RFX3: variants seen among roughly 807,000 people sequenced by gnomAD.
The protein encoded by RFX3 is transcription factor RFX3.
RFX3 carries 14 observed loss-of-function variants against 98.6 expected under a neutral mutation model. The observed-to-expected ratio is 0.14, with a 90% CI of 0.09 to 0.22. RFX3 has a LOEUF of 0.22. Ranked by LOEUF, RFX3 falls within the 10% of genes least tolerant of loss-of-function variation. The pLI is 1.00. For missense variants in RFX3, 639 were observed against 926.9 expected (o/e 0.69, Z 4.03); for synonymous variants, 383 against 328.4 (o/e 1.17, Z -1.80).
At position 3,525,605 on chromosome 9, in the gene RFX3, G is replaced by A. The variant is rs560097092; in HGVS notation, c.-9+142C>T. ...AACAGAGCCCCTCGGCGGCGGCGCC[G>A]CAGCGGCAGCCCCCGTGTCAGGAGT... On this transcript the variant is annotated intron_variant, in intron 1 of 16. Transcript: ENST00000617270. 332 of 153,280 alleles carry A rather than the reference G, an allele frequency of 2.2e-3. 1 individual carries two copies. The highest frequency in any genetic ancestry group is 0.016 in the South Asian group (79 of 4,848). The allele number at this position is 153,280 out of a possible 1,614,324, so 9.5% of individuals were successfully genotyped here.
intron 4 of RFX3, among the ~76,000 whole-genome samples, chr9:3,319,167 A>G (rs1830973823): frequency 6.6e-6 from 1 of 152,226 alleles, no homozygotes; most frequent in African/African-American, 2.4e-5. Flanking sequence ...AATCACTAAA[A>G]CAGGCTTTTA....
intron 2 of RFX3, among the ~76,000 whole-genome samples, chr9:3,370,296 A>G (rs1475263398): frequency 6.6e-6 from 1 of 151,812 alleles, no homozygotes; most frequent in Non-Finnish European, 1.5e-5. Flanking sequence ...AGAAAACTGA[A>G]CAAAATACTT....
At chr9:3,504,956 A>AATATATC (rs1564186013) in intron 1 of RFX3, among the ~76,000 whole-genome samples, 26 of 61,700 alleles carry the variant, frequency 4.2e-4, no homozygotes, top group African/African-American at 2.1e-3. Context: ...TATAATATAT[A>AATATATC]TTATATATAA....
chr9:3,477,522 T>C (rs10114838), intron 1 of RFX3, among the ~76,000 whole-genome samples: 18,873 of 152,174 alleles, frequency 0.12, 2,139 homozygotes, highest in East Asian at 0.57. Flanking sequence ...CCAGGGTTTC[T>C]CGTAAGTCAG....
intron 2 of RFX3, among the ~76,000 whole-genome samples, chr9:3,371,012 T>C (rs950360909): frequency 1.6e-4 from 24 of 152,122 alleles, no homozygotes; most frequent in Non-Finnish European, 7.4e-5. Context: ...AGATGAATCC[T>C]TTTTTAAAAA....
intron 2 of RFX3, among the ~76,000 whole-genome samples, chr9:3,362,211 A>C (rs76692203): frequency 2.6e-5 from 4 of 152,212 alleles, no homozygotes; most frequent in African/African-American, 9.7e-5. Flanking sequence ...ACTTCCTTGC[A>C]TATTCAATGT....
At chr9:3,490,674 A>G (rs1415326743) in intron 1 of RFX3, among the ~76,000 whole-genome samples, 2 of 152,152 alleles carry the variant, frequency 1.3e-5, no homozygotes, top group Admixed American at 1.3e-4. Flanking sequence ...CTTTAAAAGA[A>G]TATGTGCTTT....
At chr9:3,338,364 T>C (rs1313785083) in intron 3 of RFX3, among the ~76,000 whole-genome samples, 1 of 152,220 alleles carries the variant, frequency 6.6e-6, no homozygotes, top group African/African-American at 2.4e-5. Context: ...ATGTTAAAAG[T>C]CAGTAATACT....
intron 1 of RFX3, among the ~76,000 whole-genome samples, chr9:3,504,073 C>A (rs947056668): frequency 6.8e-6 from 1 of 147,554 alleles, no homozygotes; most frequent in South Asian, 2.1e-4. Flanking sequence ...TCAATCGGCT[C>A]GATTCCTTAG....
intron 2 of RFX3, among the ~76,000 whole-genome samples, chr9:3,387,458 C>G (rs1399977346): frequency 6.6e-6 from 1 of 152,012 alleles, no homozygotes; most frequent in Non-Finnish European, 1.5e-5. Flanking sequence ...TTTAACTATT[C>G]AGTAGAGATG....
chr9:3,415,310 G>C (rs1007895403), intron 1 of RFX3, among the ~76,000 whole-genome samples: 1 of 150,612 alleles, frequency 6.6e-6, no homozygotes, highest in African/African-American at 2.4e-5. Context: ...TAACTCTTGG[G>C]CTCAAGCAAT....
chr9:3,375,199 T>C (rs1838322156), intron 2 of RFX3, among the ~76,000 whole-genome samples: 1 of 152,234 alleles, frequency 6.6e-6, no homozygotes, highest in African/African-American at 2.4e-5. Context: ...TACTGATCTC[T>C]TTCCAAAGCT....
At chr9:3,423,393 G>A (rs371919256) in intron 1 of RFX3, among the ~76,000 whole-genome samples, 1 of 152,108 alleles carries the variant, frequency 6.6e-6, no homozygotes, top group Non-Finnish European at 1.5e-5. Context: ...TATACATCAA[G>A]AGGTGAATGG....
rs946897658 is a variant in RFX3, at chr9:3,382,375, G to C, written c.117+13097C>G. ...ATAATTAATATGTCAACTATAATAT[G>C]AATTTGGGTGAGTTTAACTTTTTTA... On this transcript the variant is annotated intron_variant, in intron 2 of 16. Transcript: ENST00000617270. Among the ~76,000 whole-genome samples, 10 of 152,200 alleles carry C rather than the reference G, an allele frequency of 6.6e-5. No homozygotes were observed. In the East Asian group the frequency reaches 1.9e-3, roughly 29 times the overall value.
At chr9:3,330,111 A>T in intron 4 of RFX3, 148 bp downstream of exon 4, 1 of 767,050 alleles carries the variant, frequency 1.3e-6, no homozygotes, top group East Asian at 2.7e-5. Flanking sequence ...TACTACATAT[A>T]CTACATTCTG....
intron 1 of RFX3, among the ~76,000 whole-genome samples, chr9:3,499,853 G>T (rs1815786661): frequency 6.6e-6 from 1 of 151,982 alleles, no homozygotes. Context: ...TGCAACTTTG[G>T]AAAGTTAATT....
chr9:3,332,418 A>T (rs1299478673), intron 3 of RFX3, among the ~76,000 whole-genome samples: 1 of 152,158 alleles, frequency 6.6e-6, no homozygotes, highest in Non-Finnish European at 1.5e-5. Context: ...GAAAGCAAAG[A>T]TGTCACTATC....
intron 1 of RFX3, among the ~76,000 whole-genome samples, chr9:3,459,745 C>G (rs1220020191): frequency 6.6e-6 from 1 of 152,058 alleles, no homozygotes; most frequent in Admixed American, 6.6e-5. Context: ...TGAATTATCA[C>G]TTCAGCCCCT....
chr9:3,470,835 G>C (rs1043071326), intron 1 of RFX3, among the ~76,000 whole-genome samples: 1 of 152,140 alleles, frequency 6.6e-6, no homozygotes, highest in African/African-American at 2.4e-5. Context: ...CTTTAAATGA[G>C]CAGGATAAGA....
Sources: gnomAD v4.1 joint callset for allele counts (sites outside exome capture counted in the v4.1 genomes callset) on GRCh38, gnomAD v4.1.1 for gene constraint, MANE v1.5 for transcripts, NCBI Gene and HGNC (gene_info 2026-07-23, HGNC 2026-07-21) for gene names.